SAMD5: variants seen among roughly 807,000 people sequenced by gnomAD.
The protein encoded by SAMD5 is sterile alpha motif domain-containing protein 5.
Under a neutral mutation model 11.3 loss-of-function variants are expected in SAMD5, and 13 were observed. The observed-to-expected ratio is 1.15, with a 90% CI of 0.75 to 1.83. SAMD5 has a LOEUF of 1.83. SAMD5 is among the 40% of genes most tolerant of loss of function. SAMD5 has a pLI of 0.00. For synonymous variants in SAMD5, 129 were observed against 111.3 expected (o/e 1.16, Z -1.00); for missense variants, 255 against 239.1 (o/e 1.07, Z -0.44).
chr6:147,627,547 C>A (rs1790076494), intron 1 of SAMD5, among the ~76,000 whole-genome samples: 1 of 152,152 alleles, frequency 6.6e-6, no homozygotes, highest in Non-Finnish European at 1.5e-5. Context: ...CCTCTTCCTG[C>A]TCCACATTCC....
the SAMD5 span, among the ~76,000 whole-genome samples, chr6:147,925,120 C>A: frequency 6.6e-6 from 1 of 152,142 alleles, no homozygotes; most frequent in Admixed American, 6.6e-5. Context: ...TTCTAACCCC[C>A]AATGTGTTGG....
At chr6:147,886,142 T>C in the SAMD5 span, among the ~76,000 whole-genome samples, 10 of 152,292 alleles carry the variant, frequency 6.6e-5, no homozygotes, top group East Asian at 1.9e-3. Context: ...TCATGACTCA[T>C]TATTGATACT....
At chr6:147,580,797 T>A (rs1789286602) in intron 1 of SAMD5, among the ~76,000 whole-genome samples, 1 of 148,224 alleles carries the variant, frequency 6.7e-6, no homozygotes, top group African/African-American at 2.5e-5. Context: ...ATAAATTTCT[T>A]TTTTGCAGCT....
In SAMD5 at chr6:147,509,332, G is replaced by C; in HGVS notation, c.404G>C (p.Arg135Thr). ...YPKLKLKIMI[R>T]DKLVRDGIHL... ...AAACTGAAGCTGAAGATCATGATCA[G>C]GGATAAGCTCGTCCGTGACGGCATC... The change falls in exon 1 of 2, where the codon AGG becomes ACG. Residue 135 changes from arginine to threonine, a missense_variant. Transcript: ENST00000367474. The C allele has an allele frequency of 6.3e-7, 1 of 1,584,164 alleles. No homozygotes were observed. Among genetic ancestry groups the C allele is most frequent in the Non-Finnish European group, 8.6e-7 (1 of 1,166,934 alleles).
the SAMD5 span, among the ~76,000 whole-genome samples, chr6:147,866,809 C>T: frequency 4.6e-5 from 7 of 152,086 alleles, no homozygotes; most frequent in South Asian, 2.1e-4. Context: ...CCAAATACAT[C>T]GTAGACACAA....
the SAMD5 span, among the ~76,000 whole-genome samples, chr6:147,899,189 A>AAAAAAAAAG: frequency 2.2e-3 from 273 of 123,378 alleles, 22 homozygotes; most frequent in African/African-American, 8.0e-3. Flanking sequence ...AAAAAAAAAA[A>AAAAAAAAAG]AAAAGATAAC....
chr6:147,571,074 A>G (rs1029079293), downstream of SAMD5, among the ~76,000 whole-genome samples: 1 of 152,174 alleles, frequency 6.6e-6, no homozygotes, highest in Non-Finnish European at 1.5e-5. Flanking sequence ...TTGTTCATAA[A>G]CTAAAGCTCC....
chr6:147,702,907 C>T (rs904476419), intron 1 of SAMD5, among the ~76,000 whole-genome samples: 5 of 152,050 alleles, frequency 3.3e-5, no homozygotes, highest in African/African-American at 1.2e-4. Context: ...TATTTGATAA[C>T]TAGGCCTTAA....
At chr6:147,527,259 A>C (rs1207065319) in intron 1 of SAMD5, among the ~76,000 whole-genome samples, 1 of 152,166 alleles carries the variant, frequency 6.6e-6, no homozygotes, top group Non-Finnish European at 1.5e-5. Context: ...CAGGCTGTAC[A>C]GGAAGCATGG....
At chr6:147,591,526 A>AC (rs1241051430) in intron 1 of SAMD5, among the ~76,000 whole-genome samples, 3 of 152,104 alleles carry the variant, frequency 2.0e-5, no homozygotes, top group Non-Finnish European at 4.4e-5. Flanking sequence ...AATCTGCTTG[A>AC]CCTGCTGGAA....
downstream of SAMD5, among the ~76,000 whole-genome samples, chr6:147,573,909 G>A (rs1475107659): frequency 6.6e-6 from 1 of 152,136 alleles, no homozygotes; most frequent in Non-Finnish European, 1.5e-5. Context: ...CAGATCATGA[G>A]GTCAGGAGAT....
At chr6:147,721,533 T>C (rs942497746) in intron 1 of SAMD5, among the ~76,000 whole-genome samples, 15 of 152,342 alleles carry the variant, frequency 9.8e-5, no homozygotes, top group Admixed American at 4.6e-4. Context: ...TTTGCCCACT[T>C]TTTGATGGGG....
chr6:147,882,899 A>G, the SAMD5 span, among the ~76,000 whole-genome samples: 1 of 152,226 alleles, frequency 6.6e-6, no homozygotes, highest in East Asian at 1.9e-4. Context: ...TGTCAGATAA[A>G]CATTTCTTGA....
At chr6:147,842,083 T>C in the SAMD5 span, among the ~76,000 whole-genome samples, 4 of 152,158 alleles carry the variant, frequency 2.6e-5, no homozygotes, top group African/African-American at 7.2e-5. Flanking sequence ...AATTTACATG[T>C]AATAATGAAA....
chr6:147,764,366 C>A, the SAMD5 span, among the ~76,000 whole-genome samples: 3 of 152,252 alleles, frequency 2.0e-5, no homozygotes, highest in East Asian at 5.8e-4. Context: ...TTATTGAATT[C>A]TTACAACAAA....
At chr6:147,603,924 T>C (rs1056591791) in intron 1 of SAMD5, among the ~76,000 whole-genome samples, 1 of 152,232 alleles carries the variant, frequency 6.6e-6, no homozygotes, top group African/African-American at 2.4e-5. Context: ...CTAGCTTTCG[T>C]TGATACTACT....
chr6:147,851,236 G>A, the SAMD5 span, among the ~76,000 whole-genome samples: 3 of 152,062 alleles, frequency 2.0e-5, no homozygotes, highest in Non-Finnish European at 1.5e-5. Flanking sequence ...GAGCCACTGC[G>A]CCCAGCCAAT....
chr6:147,716,418 C>T (rs376000375), intron 1 of SAMD5, among the ~76,000 whole-genome samples: 1 of 152,354 alleles, frequency 6.6e-6, no homozygotes, highest in South Asian at 2.1e-4. Flanking sequence ...TCCCAGGCCC[C>T]TGAGAGTGCA....
At chr6:147,529,980 A>C (rs989536632) in intron 1 of SAMD5, among the ~76,000 whole-genome samples, 1 of 152,248 alleles carries the variant, frequency 6.6e-6, no homozygotes, top group Non-Finnish European at 1.5e-5. Flanking sequence ...AGTTGAGAAG[A>C]CATTTAAAAA....
Sources: gnomAD v4.1 joint callset for allele counts (sites outside exome capture counted in the v4.1 genomes callset) on GRCh38, gnomAD v4.1.1 for gene constraint, MANE v1.5 for transcripts, NCBI Gene and HGNC (gene_info 2026-07-23, HGNC 2026-07-21) for gene names.